PITPNM3: variants seen among roughly 807,000 people sequenced by gnomAD.
The protein encoded by PITPNM3 is PITPNM family member 3.
A neutral mutation model predicts 102.0 loss-of-function variants in PITPNM3; 26 were observed. The observed-to-expected ratio is 0.25, with a 90% CI of 0.19 to 0.35. The LOEUF (loss-of-function observed/expected upper bound fraction) is 0.35, where lower values mean the gene tolerates loss of function less well. PITPNM3 is among the 10% of genes least tolerant of loss of function. The pLI is 1.00. For missense variants in PITPNM3, 1,083 were observed against 1,346.1 expected (o/e 0.80, Z 3.06); for synonymous variants, 578 against 558.6 (o/e 1.03, Z -0.49).
chr17:6,556,496 G>A lies in PITPNM3; in HGVS notation c.-90C>T, dbSNP rs1490306247. The A allele has an allele frequency of 8.9e-6, 8 of 900,114 alleles. No individual in the cohort carries two copies. The highest frequency in any genetic ancestry group is 1.8e-5 in the African/African-American group (1 of 55,096). 55.8% of individuals were successfully genotyped at this position (900,114 alleles called of 1,614,324 possible). On this transcript the variant is annotated 5_prime_UTR_variant, in exon 1 of 20. Coordinates refer to ENST00000262483, the MANE Select transcript of PITPNM3 (RefSeq NM_031220.4). The surrounding 1 kb of genome is among the most constrained non-coding windows in gnomAD (Gnocchi z 5.2). ...CCGCCTCCGGCCCCGAACGGACTCC[G>A]AGCGCCGCGCCCGCGCCCCCGCCCC...
intron 1 of PITPNM3, among the ~76,000 whole-genome samples, chr17:6,551,896 GA>G (rs1018697018): frequency 1.3e-5 from 2 of 151,982 alleles, no homozygotes; most frequent in African/African-American, 4.8e-5. Context: ...CCCACTCCAG[GA>G]GGACCCCAAA....
intron 18 of PITPNM3, chr17:6,460,661 C>T (rs978134736): frequency 3.3e-5 from 5 of 152,366 alleles, no homozygotes; most frequent in African/African-American, 1.2e-4. Flanking sequence ...TTCTCTCCAT[C>T]CATTTGAAAG....
intron 1 of PITPNM3, among the ~76,000 whole-genome samples, chr17:6,538,968 C>A (rs1195945620): frequency 6.6e-6 from 1 of 152,136 alleles, no homozygotes; most frequent in Non-Finnish European, 1.5e-5. Flanking sequence ...AGTCCAGATC[C>A]CAGAGCATAA....
At chr17:6,511,984 GA>G (rs1296273133) in intron 3 of PITPNM3, among the ~76,000 whole-genome samples, 169 of 152,302 alleles carry the variant, frequency 1.1e-3, no homozygotes, top group Non-Finnish European at 6.6e-4. Flanking sequence ...AGGCAGCACA[GA>G]AGGAACAGCA....
intron 1 of PITPNM3, among the ~76,000 whole-genome samples, chr17:6,547,738 C>A (rs1312071754): frequency 6.7e-6 from 1 of 148,956 alleles, no homozygotes; most frequent in Non-Finnish European, 1.5e-5. Flanking sequence ...CTTTTCTTTT[C>A]TTTTCTTTTT....
rs978366562 is a variant in PITPNM3, at chr17:6,458,010, G to A, written c.2491-288C>T. On this transcript the variant is annotated intron_variant, in intron 18 of 19. Transcript: ENST00000262483. The surrounding 1 kb of genome is among the most constrained non-coding windows in gnomAD (Gnocchi z 5.1). ...AGGTTAAGTAATAATGAAGGCAAGC[G>A]TTCCTTTGTGGATAAGGAAATTGAG... Among the ~76,000 whole-genome samples, 24 of 152,152 alleles carry A rather than the reference G, an allele frequency of 1.6e-4. No homozygotes were observed. Among genetic ancestry groups the A allele is most frequent in the Non-Finnish European group, 3.1e-4 (21 of 68,024 alleles).
At chr17:6,521,836 C>T (rs745437759) in intron 3 of PITPNM3, among the ~76,000 whole-genome samples, 1 of 152,160 alleles carries the variant, frequency 6.6e-6, no homozygotes, top group Non-Finnish European at 1.5e-5. Context: ...CTGTGAACTC[C>T]ACCAACCTGA....
At chr17:6,540,443 C>A (rs1024515511) in intron 1 of PITPNM3, among the ~76,000 whole-genome samples, 13 of 152,162 alleles carry the variant, frequency 8.5e-5, no homozygotes, top group Non-Finnish European at 1.8e-4. Context: ...ATGTGTGGAT[C>A]TGTACTTCCG....
At chr17:6,502,352 C>G (rs1010874106) in intron 4 of PITPNM3, among the ~76,000 whole-genome samples, 1 of 152,110 alleles carries the variant, frequency 6.6e-6, no homozygotes, top group Non-Finnish European at 1.5e-5. Context: ...ACTCAGGAGG[C>G]TGAGGCGGGA....
intron 4 of PITPNM3, among the ~76,000 whole-genome samples, chr17:6,485,832 T>C (rs1906058393): frequency 6.6e-6 from 1 of 152,182 alleles, no homozygotes; most frequent in Non-Finnish European, 1.5e-5. Flanking sequence ...ATGGACCAAA[T>C]CTGCCCCACT....
At chr17:6,554,244 C>T (rs1401866365) in intron 1 of PITPNM3, among the ~76,000 whole-genome samples, 3 of 146,350 alleles carry the variant, frequency 2.0e-5, no homozygotes, top group East Asian at 2.1e-4. Context: ...CGCCTCAGCC[C>T]AGGAGGCGGA....
intron 10 of PITPNM3, 38 bp downstream of exon 10, chr17:6,474,394 G>T (rs749752549): frequency 6.2e-7 from 1 of 1,604,326 alleles, no homozygotes. Flanking sequence ...CCCTAGTGAC[G>T]CACAGGCACC....
intron 3 of PITPNM3, among the ~76,000 whole-genome samples, chr17:6,513,515 T>G (rs1302660486): frequency 1.3e-5 from 2 of 152,186 alleles, no homozygotes; most frequent in Non-Finnish European, 1.5e-5. Context: ...ATAAACAGTC[T>G]GAAAATGAAA....
intron 14 of PITPNM3, among the ~76,000 whole-genome samples, chr17:6,465,523 T>C (rs1291220134): frequency 5.3e-5 from 8 of 152,166 alleles, no homozygotes; most frequent in African/African-American, 1.4e-4. Context: ...AAATTTCAAA[T>C]GCACAAGCAT....
Position 6,472,560 on chromosome 17 carries a change from A to C in PITPNM3, c.1429+97T>G. 7.0e-7 allele frequency: 1 copy of C among 1,432,258 alleles called. No homozygotes were observed. The highest frequency in any genetic ancestry group is 9.6e-7 in the Non-Finnish European group (1 of 1,040,902). The allele number at this position is 1,432,258 out of a possible 1,614,324, so 88.7% of individuals were successfully genotyped here. A position where few individuals can be genotyped will look rare whatever the true frequency, so the allele number is the denominator to read the frequency against. On this transcript the variant is annotated intron_variant, in intron 11 of 19. Transcript: ENST00000262483. This position sits in a 1 kb window ranked among gnomAD's most constrained non-coding sequence, Gnocchi z 4.1. ...CCTTCTGTTCTCACAGCCCCTGCTC[A>C]GGTGAGTCACCCTACTCACTGAGAG...
intron 14 of PITPNM3, among the ~76,000 whole-genome samples, chr17:6,466,955 T>C (rs1192341574): frequency 6.6e-6 from 1 of 151,602 alleles, no homozygotes; most frequent in Non-Finnish European, 1.5e-5. Flanking sequence ...TCCCAGCTAC[T>C]TGGGAGGCTG....
At chr17:6,546,745 C>T (rs113312154) in intron 1 of PITPNM3, among the ~76,000 whole-genome samples, 38 of 152,354 alleles carry the variant, frequency 2.5e-4, no homozygotes, top group African/African-American at 8.2e-4. Flanking sequence ...TGGCTCACGC[C>T]CGTAATCCCA....
At chr17:6,522,659 A>T (rs936202233) in intron 3 of PITPNM3, among the ~76,000 whole-genome samples, 3 of 152,144 alleles carry the variant, frequency 2.0e-5, no homozygotes, top group Non-Finnish European at 4.4e-5. Context: ...GGGGGCCTGG[A>T]ATGAGTCCTG....
At chr17:6,548,366 G>A (rs1242756087) in intron 1 of PITPNM3, among the ~76,000 whole-genome samples, 4 of 152,146 alleles carry the variant, frequency 2.6e-5, no homozygotes, top group African/African-American at 9.7e-5. Flanking sequence ...AAACACAGAG[G>A]CTGCGAGGGG....
Sources: gnomAD v4.1 joint callset for allele counts (sites outside exome capture counted in the v4.1 genomes callset) on GRCh38, gnomAD v4.1.1 for gene constraint, Gnocchi (gnomAD v3.1) non-coding constraint, MANE v1.5 for transcripts, NCBI Gene and HGNC (gene_info 2026-07-23, HGNC 2026-07-21) for gene names.